The following MIPOL1 variants were observed in gnomAD, a reference collection of about 807,000 sequenced individuals.
The protein encoded by MIPOL1 is mirror-image polydactyly gene 1 protein.
Under a neutral mutation model 60.9 loss-of-function variants are expected in MIPOL1, and 57 were observed. That is an observed-to-expected ratio of 0.94 (90% CI 0.76 to 1.17). The LOEUF (loss-of-function observed/expected upper bound fraction) is 1.17. Among genes scored for constraint, MIPOL1 ranks in the 50% most tolerant of loss-of-function variants. The probability of loss-of-function intolerance (pLI) is 0.00; values close to 1 mark genes in which losing one functional copy is unlikely to be tolerated. For missense variants in MIPOL1, 551 were observed against 511.6 expected (o/e 1.08, Z -0.74); for synonymous variants, 179 against 168.8 (o/e 1.06, Z -0.47).
At chr14:37,410,953 G>A (rs1426803078) in intron 10 of MIPOL1, among the ~76,000 whole-genome samples, 1 of 151,994 alleles carries the variant, frequency 6.6e-6, no homozygotes, top group Non-Finnish European at 1.5e-5. Context: ...CATACAACAA[G>A]ATGATAGATT....
chr14:37,423,808 A>C (rs1477719241), intron 11 of MIPOL1: 2 of 152,170 alleles, frequency 1.3e-5, no homozygotes, highest in African/African-American at 2.4e-5. Flanking sequence ...ACTGAAGTAC[A>C]ATTAAGAAAA....
intron 10 of MIPOL1, among the ~76,000 whole-genome samples, chr14:37,375,212 A>C (rs751414810): frequency 7.2e-5 from 11 of 151,776 alleles, no homozygotes; most frequent in Non-Finnish European, 2.9e-5. Context: ...TTTCATTATT[A>C]TTATAATTTT....
chr14:37,298,853 C>G (rs1481359298), intron 7 of MIPOL1, among the ~76,000 whole-genome samples: 1 of 150,304 alleles, frequency 6.7e-6, no homozygotes, highest in Admixed American at 6.7e-5. Context: ...GTTGGTGGGA[C>G]TGTAAACTAG....
chr14:37,337,348 A>G (rs1595214722), intron 9 of MIPOL1, among the ~76,000 whole-genome samples: 6 of 33,652 alleles, frequency 1.8e-4, no homozygotes, highest in African/African-American at 9.8e-4. Context: ...ATATATATAT[A>G]TATATATATT....
chr14:37,536,400 T>C (rs1295504073), intron 12 of MIPOL1, among the ~76,000 whole-genome samples: 1 of 152,192 alleles, frequency 6.6e-6, no homozygotes, highest in Non-Finnish European at 1.5e-5. Flanking sequence ...ATCTATCAAT[T>C]GATACCTGAA....
At chr14:37,337,828 A>C (rs865890019) in intron 9 of MIPOL1, among the ~76,000 whole-genome samples, 16 of 151,856 alleles carry the variant, frequency 1.1e-4, no homozygotes, top group African/African-American at 3.9e-4. Flanking sequence ...CCCATTCTGT[A>C]ATTTGTCTTT....
intron 1 of MIPOL1, among the ~76,000 whole-genome samples, chr14:37,237,176 C>T (rs1971617238): frequency 6.6e-6 from 1 of 152,100 alleles, no homozygotes; most frequent in Non-Finnish European, 1.5e-5. Context: ...GCAGTACCTG[C>T]CACTTTTCCT....
intron 3 of MIPOL1, among the ~76,000 whole-genome samples, chr14:37,249,088 G>T (rs550104531): frequency 5.9e-5 from 9 of 152,018 alleles, no homozygotes; most frequent in Non-Finnish European, 1.2e-4. Context: ...AGATATTTAA[G>T]ATCTATTACA....
intron 12 of MIPOL1, chr14:37,502,856 A>G (rs1055280818): frequency 1.3e-5 from 2 of 152,340 alleles, no homozygotes; most frequent in Admixed American, 6.5e-5. Flanking sequence ...ACCCATTACA[A>G]GGAAGCTAAA....
intron 10 of MIPOL1, among the ~76,000 whole-genome samples, chr14:37,376,888 G>A (rs954803436): frequency 1.3e-5 from 2 of 152,118 alleles, no homozygotes; most frequent in African/African-American, 4.8e-5. Flanking sequence ...GTACCATTTT[G>A]CTTTCCCACC....
At chr14:37,513,263 C>T (rs1221323412) in intron 12 of MIPOL1, among the ~76,000 whole-genome samples, 1 of 152,054 alleles carries the variant, frequency 6.6e-6, no homozygotes, top group Non-Finnish European at 1.5e-5. Context: ...GTTAAACAAG[C>T]ATTTCATTAA....
intron 7 of MIPOL1, among the ~76,000 whole-genome samples, chr14:37,299,977 G>C (rs181069225): frequency 6.6e-6 from 1 of 151,966 alleles, no homozygotes; most frequent in Non-Finnish European, 1.5e-5. Flanking sequence ...TCTCAATTTG[G>C]GTTTGCCTCA....
chr14:37,232,633 T>C (rs1264834459), intron 1 of MIPOL1, among the ~76,000 whole-genome samples: 2 of 152,230 alleles, frequency 1.3e-5, no homozygotes, highest in African/African-American at 4.8e-5. Flanking sequence ...TTATTTGTTC[T>C]TCTCTTTCAG....
chr14:37,505,691 T>A (rs1039571084), intron 12 of MIPOL1: 1 of 152,218 alleles, frequency 6.6e-6, no homozygotes, highest in Non-Finnish European at 1.5e-5. Context: ...CTTTGAAGAC[T>A]GGCACAAGAC....
Position 37,285,411 on chromosome 14 carries a change from T to A in MIPOL1, c.587T>A (p.Ile196Asn). Reference sequence around the variant, plus strand: ...GCCATTGAGGAGAGAGATGAAGCAATTGCACGAGCCAAGCATATGGAAATG... The same window carrying A: ...GCCATTGAGGAGAGAGATGAAGCAAATGCACGAGCCAAGCATATGGAAATG... Reference protein sequence around the residue: ...QLAIEERDEAIARAKHMEMSL... With the variant: ...QLAIEERDEANARAKHMEMSL... Residue 196 changes from isoleucine (I) to asparagine (N), a missense_variant, in exon 7 of 13, where the codon ATT (isoleucine) becomes AAT (asparagine). By Grantham distance (149) the Ile-to-Asn change is moderately radical (BLOSUM62 -3). Transcript: ENST00000684589. 1.9e-6 allele frequency: 3 copies of A among 1,613,982 alleles called. No homozygotes were observed. The highest frequency in any genetic ancestry group is 2.5e-6 in the Non-Finnish European group (3 of 1,179,950).
intron 9 of MIPOL1, among the ~76,000 whole-genome samples, chr14:37,353,153 AT>A: frequency 6.9e-6 from 1 of 144,800 alleles, no homozygotes; most frequent in South Asian, 2.3e-4. Flanking sequence ...TTCTGCATCT[AT>A]TGAGATAATC....
At chr14:37,426,869 A>G (rs1047992738) in intron 11 of MIPOL1, among the ~76,000 whole-genome samples, 1 of 151,992 alleles carries the variant, frequency 6.6e-6, no homozygotes, top group African/African-American at 2.4e-5. Context: ...AATGTTTGGT[A>G]TCCACTCAAA....
intron 9 of MIPOL1, among the ~76,000 whole-genome samples, chr14:37,356,649 G>C (rs927660662): frequency 5.9e-5 from 9 of 152,174 alleles, no homozygotes; most frequent in South Asian, 2.1e-4. Flanking sequence ...CGCAGTATTC[G>C]GGTGGGAGTG....
intron 3 of MIPOL1, among the ~76,000 whole-genome samples, chr14:37,249,056 C>T (rs538047662): frequency 2.0e-4 from 31 of 151,786 alleles, no homozygotes; most frequent in Non-Finnish European, 4.1e-4. Context: ...ATAAGAGCAG[C>T]AGACATAAGG....
Sources: allele counts gnomAD v4.1 joint callset (sites outside exome capture counted in the v4.1 genomes callset), GRCh38; gene constraint gnomAD v4.1.1; transcripts MANE v1.5; gene names NCBI Gene and HGNC (gene_info 2026-07-23, HGNC 2026-07-21).